IQANK1: variants seen among roughly 807,000 people sequenced by gnomAD.
IQANK1 encodes IQ motif and ankyrin repeat domain-containing protein 1.
A neutral mutation model predicts 22.6 loss-of-function variants in IQANK1; 30 were observed. The ratio of observed to expected loss-of-function variants is 1.33; its 90% CI spans 0.99 to 1.80. IQANK1 has a LOEUF of 1.80. Among genes scored for constraint, IQANK1 ranks in the 40% most tolerant of loss-of-function variants. The pLI, the probability that IQANK1 is intolerant of heterozygous loss-of-function variation, is 0.00. For synonymous variants in IQANK1, 122 were observed against 99.6 expected (o/e 1.23, Z -1.34); for missense variants, 275 against 235.2 (o/e 1.17, Z -1.11).
chr8:143,788,968 C>T lies in IQANK1; in HGVS notation c.843C>T (p.Leu281=), dbSNP rs1335902175. Residue 281 remains leucine (L), a synonymous_variant, in exon 8 of 14, where the codon CTC becomes CTT. Coordinates refer to ENST00000527139, the MANE Select transcript of IQANK1 (RefSeq NM_001381874.1). Reference sequence around the variant, plus strand: ...TGCTGCGCTCGTGGGACCTGAGCCTCACGGAGGCCATGCTCCAGAACATGG... The same window carrying T: ...TGCTGCGCTCGTGGGACCTGAGCCTTACGGAGGCCATGCTCCAGAACATGG... The part of the protein sequence containing the change: ...VSVLRSWDLS[L]TEAMLQNMEA... 6 of 399,312 alleles carry T rather than the reference C, an allele frequency of 1.5e-5. No individual in the cohort carries two copies. The highest frequency in any genetic ancestry group is 1.2e-4 in the African/African-American group (6 of 48,616). The allele number at this position is 399,312 out of a possible 1,614,324, so 24.7% of individuals were successfully genotyped here.
chr8:143,737,305 G>C (rs1378748737), intron 2 of IQANK1, among the ~76,000 whole-genome samples: 1 of 152,208 alleles, frequency 6.6e-6, no homozygotes, highest in Non-Finnish European at 1.5e-5. Context: ...TGCACACCCA[G>C]GCCTTCGCCC....
chr8:143,742,710 C>T lies in IQANK1; in HGVS notation c.175+2762C>T, dbSNP rs1235825855. The T allele has an allele frequency of 6.6e-5, 30 of 455,876 alleles. No homozygotes were observed. The Admixed American group carries it at 6.8e-4, about 10-fold the overall frequency. The allele number at this position is 455,876 out of a possible 1,614,324, so 28.2% of individuals were successfully genotyped here. ...ACCTGCGGGAAGCTCCAAAGGGGGGCCTGCCAGAGGATACACAACCACCCT... is the reference window on the plus strand; with the variant it reads ...ACCTGCGGGAAGCTCCAAAGGGGGGTCTGCCAGAGGATACACAACCACCCT... On this transcript the variant is annotated intron_variant, in intron 3 of 13. Coordinates refer to ENST00000527139, the MANE Select transcript of IQANK1 (RefSeq NM_001381874.1).
intron 7 of IQANK1, among the ~76,000 whole-genome samples, chr8:143,780,866 G>T (rs1554630875): frequency 6.6e-6 from 1 of 152,126 alleles, no homozygotes; most frequent in African/African-American, 2.4e-5. Flanking sequence ...TGGGTCCAAT[G>T]GTAGTTCTGC....
At chr8:143,742,808 A>G (rs1419104202) in intron 3 of IQANK1, 3 of 455,974 alleles carry the variant, frequency 6.6e-6, no homozygotes, top group African/African-American at 2.0e-5. Flanking sequence ...CTTAGCCAGC[A>G]GCCCTGGGCC....
At chr8:143,738,600 G>A (rs1269852771) in intron 2 of IQANK1, among the ~76,000 whole-genome samples, 4 of 152,230 alleles carry the variant, frequency 2.6e-5, no homozygotes, top group African/African-American at 9.6e-5. Flanking sequence ...CTGGGAGGGA[G>A]GCTGAGAAGC....
At chr8:143,775,487 G>A (rs1030958621) in intron 7 of IQANK1, among the ~76,000 whole-genome samples, 1 of 151,994 alleles carries the variant, frequency 6.6e-6, no homozygotes, top group Non-Finnish European at 1.5e-5. Context: ...GAGGCCGGGC[G>A]GGGTGGCTCA....
At chr8:143,748,182 AC>A (rs1489527060) in intron 3 of IQANK1, among the ~76,000 whole-genome samples, 1 of 151,434 alleles carries the variant, frequency 6.6e-6, no homozygotes, top group Non-Finnish European at 1.5e-5. Flanking sequence ...TTTTATACAG[AC>A]AGGGCTTTAC....
Position 143,789,757 on chromosome 8 carries a change from C to T in IQANK1, c.1087-4C>T. The T allele has an allele frequency of 1.6e-6, 2 of 1,231,782 alleles. No individual in the cohort carries two copies. The allele number at this position is 1,231,782 out of a possible 1,614,324, so 76.3% of individuals were successfully genotyped here. Reference sequence around the variant, plus strand: ...AAGCAAGTCAGTGTGGCCTCCTCCTCCAGGCCATCAAGGACACAGAGGCCC... The same window carrying T: ...AAGCAAGTCAGTGTGGCCTCCTCCTTCAGGCCATCAAGGACACAGAGGCCC... On this transcript the variant is annotated splice_region_variant and splice_polypyrimidine_tract_variant and intron_variant, in intron 10 of 13. Coordinates refer to ENST00000527139, the MANE Select transcript of IQANK1 (RefSeq NM_001381874.1).
intron 3 of IQANK1, among the ~76,000 whole-genome samples, chr8:143,753,458 CT>C (rs1343991267): frequency 0.015 from 2,017 of 130,356 alleles, 17 homozygotes; most frequent in African/African-American, 0.039. Context: ...GGGAAAGTTT[CT>C]TTTTTTTTTT....
chr8:143,736,222 C>T (rs2018529403), intron 2 of IQANK1, among the ~76,000 whole-genome samples: 1 of 152,148 alleles, frequency 6.6e-6, no homozygotes, highest in East Asian at 1.9e-4. Flanking sequence ...TCACTGCAAC[C>T]TCCGCCTCCT....
At chr8:143,748,838 TA>T (rs1235752971) in intron 3 of IQANK1, among the ~76,000 whole-genome samples, 2 of 114,658 alleles carry the variant, frequency 1.7e-5, no homozygotes, top group African/African-American at 7.6e-5. Context: ...ATTTCATATA[TA>T]AATATATAAA....
intron 3 of IQANK1, among the ~76,000 whole-genome samples, chr8:143,753,252 G>A (rs952976954): frequency 7.9e-5 from 12 of 151,896 alleles, no homozygotes; most frequent in African/African-American, 2.7e-4. Flanking sequence ...GGGGTCAAGT[G>A]GCCCACCTGC....
At chr8:143,779,393 C>T (rs782682821) in intron 7 of IQANK1, among the ~76,000 whole-genome samples, 1 of 152,158 alleles carries the variant, frequency 6.6e-6, no homozygotes, top group African/African-American at 2.4e-5. Flanking sequence ...TTTTGTTGAA[C>T]GATGAATTCA....
At chr8:143,742,861 G>A in intron 3 of IQANK1, 1 of 456,132 alleles carries the variant, frequency 2.2e-6, no homozygotes, top group Non-Finnish European at 4.4e-6. Context: ...TGCTGTCACG[G>A]TGCTAAGGGG....
At chr8:143,782,810 C>G (rs782758000) in intron 7 of IQANK1, among the ~76,000 whole-genome samples, 9 of 152,188 alleles carry the variant, frequency 5.9e-5, no homozygotes, top group Admixed American at 4.6e-4. Flanking sequence ...TAAATCATCC[C>G]TCCTTTATTC....
Position 143,789,543 on chromosome 8 carries a change from TG to T in IQANK1, c.1086+17del. On this transcript the variant is annotated intron_variant, in intron 10 of 13. Coordinates refer to ENST00000527139, the MANE Select transcript of IQANK1 (RefSeq NM_001381874.1). ...TCACGCTGCAGGTGGGGGCCCGTGG[TG>T]GACTTGATATGCCCCTGCGTCCTCA... 1 of 1,232,198 alleles carries T rather than the reference TG, an allele frequency of 8.1e-7. No homozygotes were observed. Among genetic ancestry groups the T allele is most frequent in the South Asian group, 4.1e-5 (1 of 24,318 alleles). The allele number at this position is 1,232,198 out of a possible 1,614,324, so 76.3% of individuals were successfully genotyped here.
chr8:143,778,294 T>C (rs1819730314), intron 7 of IQANK1, among the ~76,000 whole-genome samples: 1 of 151,906 alleles, frequency 6.6e-6, no homozygotes. Flanking sequence ...AAAGCACAAA[T>C]AGTTGAAAAT....
chr8:143,786,075 C>T (rs1425739504), intron 7 of IQANK1, among the ~76,000 whole-genome samples: 1 of 152,050 alleles, frequency 6.6e-6, no homozygotes, highest in Non-Finnish European at 1.5e-5. Flanking sequence ...GTTGCCCAGG[C>T]TGGTCTTCAA....
chr8:143,754,438 C>T (rs10087147), intron 3 of IQANK1, among the ~76,000 whole-genome samples: 88,428 of 151,972 alleles, frequency 0.58, 30,672 homozygotes, highest in Non-Finnish European at 0.77. Flanking sequence ...GGGAAGGATG[C>T]GCCTGCAAGC....
Sources: allele counts gnomAD v4.1 joint callset (sites outside exome capture counted in the v4.1 genomes callset), GRCh38; gene constraint gnomAD v4.1.1; transcripts MANE v1.5; gene names NCBI Gene and HGNC (gene_info 2026-07-23, HGNC 2026-07-21).